Variants in CDH23 observed in about 807,000 individuals in gnomAD.
The protein encoded by CDH23 is cadherin-23.
A neutral mutation model predicts 317.1 loss-of-function variants in CDH23; 189 were observed. The ratio of observed to expected loss-of-function variants is 0.60; its 90% CI spans 0.53 to 0.67. CDH23 has a LOEUF of 0.67. CDH23 is among the 30% of genes least tolerant of loss of function. CDH23 has a pLI of 0.00. For missense variants in CDH23, 4,401 were observed against 4,592.4 expected (o/e 0.96, Z 1.20); for synonymous variants, 1,839 against 1,876.8 (o/e 0.98, Z 0.52).
At chr10:71,784,136 G>A (rs1270881941) in intron 41 of CDH23, 151 bp from the exon 42 acceptor site, 5 of 695,128 alleles carry the variant, frequency 7.2e-6, no homozygotes, top group Admixed American at 6.2e-5. Flanking sequence ...ATCTCATGAG[G>A]ATCTGAAGCT....
rs138467347 is a variant in CDH23, at chr10:71,469,786, G to T, written c.145+23391G>T. ...TGCCCAGCTAATTTTTGTATTTTTAGTAGAGATGGGGTTTCCACATGTTGG... is the reference window on the plus strand; with the variant it reads ...TGCCCAGCTAATTTTTGTATTTTTATTAGAGATGGGGTTTCCACATGTTGG... On this transcript the variant is annotated intron_variant, in intron 3 of 69. Transcript: ENST00000224721. Among the ~76,000 whole-genome samples, 901 of 152,146 alleles carry T rather than the reference G, an allele frequency of 5.9e-3. 12 individuals carry two copies. Among genetic ancestry groups the T allele is most frequent in the African/African-American group, 0.02 (848 of 41,516 alleles).
intron 6 of CDH23, among the ~76,000 whole-genome samples, chr10:71,524,473 G>T (rs1307466327): frequency 6.6e-6 from 1 of 152,200 alleles, no homozygotes; most frequent in Non-Finnish European, 1.5e-5. Context: ...TCAGTCAAAG[G>T]CAGCTAGGGG....
chr10:71,671,602 A>G (rs531826675), intron 14 of CDH23, among the ~76,000 whole-genome samples: 2 of 151,686 alleles, frequency 1.3e-5, no homozygotes, highest in Non-Finnish European at 2.9e-5. Flanking sequence ...AAACGGTGCC[A>G]TGACAAGCAG....
rs147093931 is a variant in CDH23, at chr10:71,604,640, G to A, written c.833-10864G>A. ...GCTGGCTCCCCACCTGGGAAGCCAT[G>A]GTCCCACCTCCACCCTTTTGCTCAG... On this transcript the variant is annotated intron_variant, in intron 9 of 69. Coordinates refer to ENST00000224721, the MANE Select transcript of CDH23 (RefSeq NM_022124.6). Among the ~76,000 whole-genome samples the A allele has an allele frequency of 3.0e-4, 46 of 152,328 alleles. No individual in the cohort carries two copies. The East Asian group carries it at 7.0e-3, about 23-fold the overall frequency.
chr10:71,425,259 GAGAGAGAGAGGA>G (rs1453171723), intron 1 of CDH23, among the ~76,000 whole-genome samples: 7 of 142,294 alleles, frequency 4.9e-5, no homozygotes, highest in South Asian at 4.7e-4. Flanking sequence ...GAGAGAGAGA[GAGAGAGAGAGGA>G]AGGAAGGAAG....
chr10:71,515,394 T>TCTCTCTCTCTCTCTCTCA (rs1491490493), intron 6 of CDH23, among the ~76,000 whole-genome samples: 21 of 26,694 alleles, frequency 7.9e-4, no homozygotes, highest in African/African-American at 1.7e-3. Flanking sequence ...TCTCTCTCTC[T>TCTCTCTCTCTCTCTCTCA]CACACACACA....
intron 3 of CDH23, among the ~76,000 whole-genome samples, chr10:71,461,861 C>T (rs1275831244): frequency 3.3e-5 from 5 of 152,156 alleles, no homozygotes; most frequent in African/African-American, 7.2e-5. Context: ...TGGCAGTGCC[C>T]GGCTTCTTGG....
chr10:71,810,429 CCTG>C (rs760894240), intron 61 of CDH23, 40 bp from the exon 62 acceptor site: 9 of 1,583,764 alleles, frequency 5.7e-6, no homozygotes, highest in Non-Finnish European at 6.9e-6. Flanking sequence ...CCTGTGGCCC[CCTG>C]CTGTGGTGGC....
chr10:71,459,462 G>A (rs1359460046), intron 3 of CDH23, among the ~76,000 whole-genome samples: 5 of 152,140 alleles, frequency 3.3e-5, no homozygotes, highest in Non-Finnish European at 7.3e-5. Context: ...CGGTGGTGCT[G>A]TTGTCGGCCA....
intron 14 of CDH23, among the ~76,000 whole-genome samples, chr10:71,650,853 T>C (rs1388669247): frequency 6.6e-6 from 1 of 152,246 alleles, no homozygotes; most frequent in African/African-American, 2.4e-5. Flanking sequence ...GGGGCAGCCC[T>C]GCAGCCTGGC....
chr10:71,544,331 A>G (rs2132295698), intron 6 of CDH23, among the ~76,000 whole-genome samples: 1 of 152,320 alleles, frequency 6.6e-6, no homozygotes, highest in East Asian at 1.9e-4. Flanking sequence ...TAACAGGGGA[A>G]GTTTCCAGAG....
intron 9 of CDH23, among the ~76,000 whole-genome samples, chr10:71,605,997 AG>A (rs1860509107): frequency 6.6e-6 from 1 of 152,178 alleles, no homozygotes; most frequent in Non-Finnish European, 1.5e-5. Flanking sequence ...CGCCTCTCTG[AG>A]GCTTTCCATT....
intron 3 of CDH23, among the ~76,000 whole-genome samples, chr10:71,479,628 G>A (rs1851969572): frequency 6.6e-6 from 1 of 152,136 alleles, no homozygotes; most frequent in African/African-American, 2.4e-5. Flanking sequence ...ACGTGCTCCT[G>A]GGAAGCCTCA....
intron 38 of CDH23, chr10:71,761,502 C>T (rs1840383394): frequency 7.3e-7 from 1 of 1,366,296 alleles, no homozygotes; most frequent in Admixed American, 2.7e-5. Context: ...ACCCATGCAG[C>T]CTCACACTCT....
chr10:71,476,192 G>T (rs890966069), intron 3 of CDH23, among the ~76,000 whole-genome samples: 1 of 152,140 alleles, frequency 6.6e-6, no homozygotes, highest in African/African-American at 2.4e-5. Flanking sequence ...AAAAGTACAG[G>T]ATGCTGCAGT....
rs1474418748 is a variant in CDH23, at chr10:71,725,401, G to A, written c.3460G>A (p.Val1154Ile). Residue 1154 changes from valine to isoleucine, a missense_variant, in exon 30 of 70, where the codon GTC becomes ATC. Around this residue, in one of 3 missense-constraint regions of CDH23, gnomAD observed 3,068 missense variants for 3,203.3 expected, o/e 0.96. Coordinates refer to ENST00000224721, the MANE Select transcript of CDH23 (RefSeq NM_022124.6). The part of the protein sequence containing the change: ...GNHGNNFRIH[V>I]SNGLLMRGPR... ...CCATGGCAACAACTTCCGGATCCATGTCAGCAATGGGCTCCTGATGCGAGG... is the reference window on the plus strand; with the variant it reads ...CCATGGCAACAACTTCCGGATCCATATCAGCAATGGGCTCCTGATGCGAGG... 1 of 1,614,056 alleles carries A rather than the reference G, an allele frequency of 6.2e-7. No individual in the cohort carries two copies.
chr10:71,527,727 G>A (rs951553904), intron 6 of CDH23, among the ~76,000 whole-genome samples: 8 of 152,168 alleles, frequency 5.3e-5, no homozygotes, highest in Non-Finnish European at 1.0e-4. Flanking sequence ...AAGTGATTTC[G>A]CCTCTCTGAG....
chr10:71,472,579 T>C (rs1414793560), intron 3 of CDH23, among the ~76,000 whole-genome samples: 1 of 152,170 alleles, frequency 6.6e-6, no homozygotes, highest in Non-Finnish European at 1.5e-5. Flanking sequence ...AATGCCTGGG[T>C]GAATGGCAGG....
intron 6 of CDH23, among the ~76,000 whole-genome samples, chr10:71,515,295 C>A (rs1298537896): frequency 6.6e-6 from 1 of 151,764 alleles, no homozygotes; most frequent in Non-Finnish European, 1.5e-5. Context: ...TTCTGCTATT[C>A]CTTCATATGA....
Sources: allele counts gnomAD v4.1 joint callset (sites outside exome capture counted in the v4.1 genomes callset), GRCh38; gene constraint gnomAD v4.1.1; regional missense constraint gnomAD v4.1.1; transcripts MANE v1.5; gene names NCBI Gene and HGNC (gene_info 2026-07-23, HGNC 2026-07-21).